The following IQSEC1 variants were observed in gnomAD, a reference collection of about 807,000 sequenced individuals.
IQSEC1 encodes IQ motif and SEC7 domain-containing protein 1.
IQSEC1 carries 31 observed loss-of-function variants against 91.0 expected under a neutral mutation model. The observed-to-expected ratio is 0.34, with a 90% confidence interval of 0.26 to 0.46. The LOEUF is 0.46. IQSEC1 is among the 20% of genes least tolerant of loss of function. IQSEC1 has a pLI of 1.00. For synonymous variants in IQSEC1, 699 were observed against 662.6 expected, an observed-to-expected ratio of 1.05 and a Z score of -0.84; for missense variants, 1,388 against 1,575.6, an observed-to-expected ratio of 0.88 and a Z score of 2.02.
At chr3:13,154,473 A>ATATATATATATT in intron 2 of IQSEC1, among the ~76,000 whole-genome samples, 1 of 129,818 alleles carries the variant, frequency 7.7e-6, no homozygotes, top group Non-Finnish European at 1.6e-5. Flanking sequence ...ATATATATAT[A>ATATATATATATT]TATGCAAAAA....
chr3:12,964,987 G>A (rs571661460), intron 1 of IQSEC1, among the ~76,000 whole-genome samples: 6 of 152,220 alleles, frequency 3.9e-5, no homozygotes, highest in East Asian at 1.9e-4. Flanking sequence ...AAATATTAGC[G>A]CAACCAGTTC....
chr3:12,955,828 G>A (rs1280489351), intron 1 of IQSEC1, among the ~76,000 whole-genome samples: 5 of 152,188 alleles, frequency 3.3e-5, no homozygotes, highest in Non-Finnish European at 7.4e-5. Flanking sequence ...CTGCCCAGCT[G>A]CTCCCCATAA....
chr3:13,053,219 C>T (rs113546309), intron 1 of IQSEC1: 17 of 639,464 alleles, frequency 2.7e-5, no homozygotes, highest in African/African-American at 1.1e-4. Flanking sequence ...GGGGATGCTG[C>T]GACCCATCCT....
At position 13,089,159 on chromosome 3, in the gene IQSEC1, C is replaced by T. The variant is rs190175451; in HGVS notation, c.303-41637G>A. Among the ~76,000 whole-genome samples, 441 of 152,388 alleles carry T rather than the reference C, an allele frequency of 2.9e-3. 3 individuals carry two copies. Among genetic ancestry groups the T allele is most frequent in the Non-Finnish European group, 4.0e-3 (269 of 68,044 alleles). On this transcript the variant is annotated intron_variant, in intron 2 of 15. Coordinates refer to the IQSEC1 transcript ENST00000648114. ...ATACACTGCCACACCCCATCCTGGC[C>T]TTTTACTTTAGCACTTGTCACTATA...
chr3:13,236,758 A>G (rs1694936406), intron 1 of IQSEC1, among the ~76,000 whole-genome samples: 1 of 152,354 alleles, frequency 6.6e-6, no homozygotes, highest in Non-Finnish European at 1.5e-5. Context: ...CGCTGCCATC[A>G]GTCTACGCAT....
chr3:12,915,266 T>G (rs1208681625), intron 7 of IQSEC1, 133 bp from the exon 8 acceptor site: 16 of 1,057,178 alleles, frequency 1.5e-5, no homozygotes, highest in Non-Finnish European at 2.8e-6. Context: ...CCACTCTCTC[T>G]GGCAGAGCTC....
intron 2 of IQSEC1, among the ~76,000 whole-genome samples, chr3:13,097,455 C>T (rs1374656089): frequency 1.3e-5 from 2 of 152,190 alleles, no homozygotes; most frequent in Non-Finnish European, 1.5e-5. Flanking sequence ...CCCAAGGCTC[C>T]CAGACCCTGG....
intron 1 of IQSEC1, among the ~76,000 whole-genome samples, chr3:13,039,168 C>A (rs1002755601): frequency 2.0e-5 from 3 of 152,270 alleles, no homozygotes; most frequent in African/African-American, 7.2e-5. Context: ...CCGCCTCCCA[C>A]AATGGCCTTT....
At chr3:13,174,989 G>A (rs910591473) in intron 1 of IQSEC1, among the ~76,000 whole-genome samples, 11 of 152,112 alleles carry the variant, frequency 7.2e-5, no homozygotes, top group Admixed American at 5.9e-4. Context: ...ACACAGCATC[G>A]TCCCTTCCCT....
chr3:13,109,557 C>T (rs193206359), intron 2 of IQSEC1, among the ~76,000 whole-genome samples: 1 of 152,108 alleles, frequency 6.6e-6, no homozygotes, highest in Non-Finnish European at 1.5e-5. Flanking sequence ...GTGTTTGGGT[C>T]ATACGGGTGG....
In IQSEC1 at chr3:13,073,125, A is replaced by C; in HGVS notation, c.-111T>G. The C allele has an allele frequency of 7.5e-7, 1 of 1,332,670 alleles. No individual in the cohort carries two copies. The highest frequency in any genetic ancestry group is 1.1e-6 in the Non-Finnish European group (1 of 951,148). 82.6% of individuals were successfully genotyped at this position (1,332,670 alleles called of 1,614,324 possible). A position where few individuals can be genotyped will look rare whatever the true frequency, so the allele number is the denominator to read the frequency against. On this transcript the variant is annotated 5_prime_UTR_variant, in exon 1 of 14. It adds an upstream start codon to the 5' untranslated region. Transcript: ENST00000613206. ...CAAGAAGTGGAGGGGAATAAAATTA[A>C]ATCGCGGGGCGAGTCACATTCCCGG... is the stretch of plus-strand genomic sequence containing the variant.
rs766844830 is a variant in IQSEC1 at position 12,936,073 on chromosome 3, C to T, written c.943G>A (p.Glu315Lys). 43 of 1,608,248 alleles carry T rather than the reference C, an allele frequency of 2.7e-5. No homozygotes were observed. Among genetic ancestry groups the T allele is most frequent in the Non-Finnish European group, 3.1e-5 (37 of 1,179,744 alleles). Residue 315 changes from glutamate (E) to lysine (K), a missense_variant, in exon 3 of 14, where the codon GAG becomes AAG. Glu to Lys is a moderately conservative substitution (Grantham distance 56). This residue lies in a region of IQSEC1 where 1,059 missense variants were observed against 1,317.8 expected (regional missense o/e 0.80). Coordinates refer to ENST00000613206, the MANE Select transcript of IQSEC1 (RefSeq NM_001134382.3). ...CCAGCCCGTAGCCGCAGGTCCGACT[C>T]GGTGCTGGACGGCCGGTCCCCTGCC... Reference protein sequence around the residue: ...SQAGDRPSSTESDLRLRAGGA... With the variant: ...SQAGDRPSSTKSDLRLRAGGA...
At chr3:13,048,921 T>G (rs360897) in intron 1 of IQSEC1, among the ~76,000 whole-genome samples, 111,374 of 152,102 alleles carry the variant, frequency 0.73, 41,313 homozygotes, top group South Asian at 0.87. Flanking sequence ...CACACTCTGT[T>G]GGCTCAGCAG....
intron 1 of IQSEC1, among the ~76,000 whole-genome samples, chr3:12,951,092 C>T (rs1396092028): frequency 6.6e-6 from 1 of 152,074 alleles, no homozygotes; most frequent in Non-Finnish European, 1.5e-5. Context: ...GCCTGGGCCA[C>T]AGAACAAGAC....
chr3:13,226,384 C>T (rs1228762460), intron 1 of IQSEC1, among the ~76,000 whole-genome samples: 12 of 152,158 alleles, frequency 7.9e-5, no homozygotes, highest in Admixed American at 7.9e-4. Flanking sequence ...TGTTCATTCA[C>T]TCAACAAATA....
chr3:12,958,499 C>T (rs1700056553), intron 1 of IQSEC1, among the ~76,000 whole-genome samples: 1 of 152,224 alleles, frequency 6.6e-6, no homozygotes, highest in East Asian at 1.9e-4. Flanking sequence ...AATCCTCAGC[C>T]TGGGGCCTGT....
At chr3:13,199,660 C>T (rs958548679) in intron 1 of IQSEC1, among the ~76,000 whole-genome samples, 10 of 152,138 alleles carry the variant, frequency 6.6e-5, no homozygotes, top group Non-Finnish European at 1.5e-4. Flanking sequence ...ATATAGGCTT[C>T]CTGCGCCACG....
intron 2 of IQSEC1, among the ~76,000 whole-genome samples, chr3:13,116,202 G>T (rs1000077694): frequency 2.6e-5 from 4 of 152,220 alleles, no homozygotes; most frequent in Admixed American, 1.3e-4. Context: ...GCCAGGCCAG[G>T]TGCTGGCTGC....
intron 2 of IQSEC1, among the ~76,000 whole-genome samples, chr3:13,112,255 A>G (rs1256552497): frequency 6.6e-6 from 1 of 152,044 alleles, no homozygotes; most frequent in African/African-American, 2.4e-5. Context: ...GCCTGGAAGG[A>G]CTCCCATGCT....
Sources: allele counts gnomAD v4.1 joint callset (sites outside exome capture counted in the v4.1 genomes callset), GRCh38; gene constraint gnomAD v4.1.1; regional missense constraint gnomAD v4.1.1; transcripts MANE v1.5; gene names NCBI Gene and HGNC (gene_info 2026-07-23, HGNC 2026-07-21).